Variants in WWOX observed in about 807,000 individuals in gnomAD.
The protein encoded by WWOX is WW domain-containing oxidoreductase.
In WWOX, 69 loss-of-function variants were observed where a neutral mutation model predicts 46.2. That is an observed-to-expected ratio of 1.49 (90% CI 1.23 to 1.82). The LOEUF (loss-of-function observed/expected upper bound fraction) is 1.82, where lower values mean the gene tolerates loss of function less well. Among genes scored for constraint, WWOX ranks in the 40% most tolerant of loss-of-function variants. The pLI is 0.00. For synonymous variants in WWOX, 359 were observed against 202.6 expected (o/e 1.77, Z -6.56); for missense variants, 919 against 542.6 (o/e 1.69, Z -6.89).
intron 8 of WWOX, among the ~76,000 whole-genome samples, chr16:78,699,712 G>T (rs1048853981): frequency 6.6e-6 from 1 of 152,180 alleles, no homozygotes; most frequent in Non-Finnish European, 1.5e-5. Context: ...GCCTCTACCA[G>T]ATGGTACCTC....
At chr16:78,656,740 A>G (rs747619504) in intron 8 of WWOX, among the ~76,000 whole-genome samples, 1 of 152,164 alleles carries the variant, frequency 6.6e-6, no homozygotes, top group Non-Finnish European at 1.5e-5. Flanking sequence ...ATCCTCGTGG[A>G]TCTTCCTGGC....
intron 8 of WWOX, among the ~76,000 whole-genome samples, chr16:78,943,328 T>A (rs770684933): frequency 6.6e-6 from 1 of 152,020 alleles, no homozygotes; most frequent in Non-Finnish European, 1.5e-5. Context: ...CAACCCGAGA[T>A]CCAAACCCTT....
intron 8 of WWOX, among the ~76,000 whole-genome samples, chr16:78,729,851 A>G (rs544869355): frequency 6.6e-6 from 1 of 152,256 alleles, no homozygotes; most frequent in Admixed American, 6.5e-5. Context: ...TTTCTTCCTG[A>G]TAGTGAAACC....
At chr16:78,906,030 G>GATGA (rs1033002491) in intron 8 of WWOX, among the ~76,000 whole-genome samples, 16 of 151,920 alleles carry the variant, frequency 1.1e-4, no homozygotes, top group African/African-American at 3.6e-4. Flanking sequence ...TGCAATGATG[G>GATGA]ATGAATGAAT....
At chr16:78,793,295 A>C (rs940190767) in intron 8 of WWOX, among the ~76,000 whole-genome samples, 3 of 152,186 alleles carry the variant, frequency 2.0e-5, no homozygotes, top group Non-Finnish European at 4.4e-5. Flanking sequence ...TCCTGGGCTC[A>C]GGAGATCTGC....
At chr16:78,240,931 C>T (rs1567451392) in intron 5 of WWOX, among the ~76,000 whole-genome samples, 1 of 152,156 alleles carries the variant, frequency 6.6e-6, no homozygotes, top group Admixed American at 6.5e-5. Context: ...GAATTAGTGT[C>T]CAGCAAGGTA....
intron 8 of WWOX, among the ~76,000 whole-genome samples, chr16:78,508,103 G>T (rs75820179): frequency 0.021 from 3,147 of 151,758 alleles, 81 homozygotes; most frequent in African/African-American, 0.063. Context: ...TGCCTCCCAG[G>T]TTCAAGCAAT....
At chr16:78,366,943 T>G (rs201712982) in intron 5 of WWOX, among the ~76,000 whole-genome samples, 38 of 130,632 alleles carry the variant, frequency 2.9e-4, no homozygotes, top group African/African-American at 9.1e-4. Context: ...TTAGCTGGGG[T>G]TTTTTTTTTG....
intron 8 of WWOX, among the ~76,000 whole-genome samples, chr16:78,822,146 G>T (rs932615083): frequency 6.6e-6 from 1 of 152,236 alleles, no homozygotes; most frequent in Non-Finnish European, 1.5e-5. Flanking sequence ...AAAGTGCTGG[G>T]ATTACAGGTG....
chr16:79,078,428 G>A (rs1424781867), intron 8 of WWOX, among the ~76,000 whole-genome samples: 1 of 152,200 alleles, frequency 6.6e-6, no homozygotes, highest in Non-Finnish European at 1.5e-5. Flanking sequence ...AGTGTCCTGT[G>A]TGTGGAGATG....
chr16:78,505,150 C>G (rs1237783835), intron 8 of WWOX, among the ~76,000 whole-genome samples: 1 of 152,182 alleles, frequency 6.6e-6, no homozygotes. Flanking sequence ...AACTTCAAAT[C>G]TAAAGATCTT....
intron 8 of WWOX, among the ~76,000 whole-genome samples, chr16:78,921,075 T>C (rs1227635889): frequency 6.6e-6 from 1 of 152,126 alleles, no homozygotes; most frequent in African/African-American, 2.4e-5. Flanking sequence ...TGCTTATCTC[T>C]ACATTACACC....
At chr16:79,026,263 C>T (rs1010157683) in intron 8 of WWOX, among the ~76,000 whole-genome samples, 3 of 151,636 alleles carry the variant, frequency 2.0e-5, no homozygotes, top group Non-Finnish European at 4.4e-5. Flanking sequence ...GTCACCCTAC[C>T]CTCGGTCAAC....
At chr16:79,091,856 C>T (rs573318894) in intron 8 of WWOX, among the ~76,000 whole-genome samples, 1 of 143,648 alleles carries the variant, frequency 7.0e-6, no homozygotes, top group Non-Finnish European at 1.5e-5. Flanking sequence ...TCTGGGCTCA[C>T]TGCAACCTCC....
At chr16:78,818,344 G>T (rs553746514) in intron 8 of WWOX, among the ~76,000 whole-genome samples, 1 of 152,218 alleles carries the variant, frequency 6.6e-6, no homozygotes, top group African/African-American at 2.4e-5. Context: ...AGCACACACA[G>T]CCCTTCTCTG....
chr16:78,226,122 C>T (rs1005347575), intron 5 of WWOX, among the ~76,000 whole-genome samples: 3 of 152,124 alleles, frequency 2.0e-5, no homozygotes, highest in African/African-American at 7.2e-5. Flanking sequence ...TGAGTATCCT[C>T]GAGAAATGAG....
intron 8 of WWOX, among the ~76,000 whole-genome samples, chr16:78,626,857 A>G (rs2046322520): frequency 6.6e-6 from 1 of 152,116 alleles, no homozygotes; most frequent in South Asian, 2.1e-4. Flanking sequence ...TTTATGTTAT[A>G]ATCCTATACT....
At chr16:78,656,657 A>T (rs1286560325) in intron 8 of WWOX, among the ~76,000 whole-genome samples, 3 of 152,142 alleles carry the variant, frequency 2.0e-5, no homozygotes, top group African/African-American at 4.8e-5. Flanking sequence ...CTCCTCCAAC[A>T]TTGGGGATTG....
intron 8 of WWOX, among the ~76,000 whole-genome samples, chr16:78,610,482 A>G (rs764948535): frequency 4.6e-5 from 7 of 152,214 alleles, no homozygotes; most frequent in Non-Finnish European, 8.8e-5. Context: ...GTCACCTACA[A>G]TACTCATTCC....
Sources: allele counts gnomAD v4.1 joint callset (sites outside exome capture counted in the v4.1 genomes callset), GRCh38; gene constraint gnomAD v4.1.1; transcripts MANE v1.5; gene names NCBI Gene and HGNC (gene_info 2026-07-23, HGNC 2026-07-21).